CNBD1: variants seen among roughly 807,000 people sequenced by gnomAD.
CNBD1 encodes the protein cyclic nucleotide binding domain containing 1.
Under a neutral mutation model 54.4 loss-of-function variants are expected in CNBD1, and 71 were observed. The ratio of observed to expected loss-of-function variants is 1.30; its 90% confidence interval spans 1.08 to 1.59. The LOEUF (loss-of-function observed/expected upper bound fraction) is 1.59. Among genes scored for constraint, CNBD1 ranks in the 40% most tolerant of loss-of-function variants. The pLI is 0.00. For synonymous variants in CNBD1, 182 were observed against 170.7 expected (o/e 1.07, Z -0.51); for missense variants, 659 against 518.0 (o/e 1.27, Z -2.64).
intron 2 of CNBD1, among the ~76,000 whole-genome samples, chr8:87,415,978 TTAAC>T (rs1001791083): frequency 6.6e-6 from 1 of 151,572 alleles, no homozygotes; most frequent in African/African-American, 2.4e-5. Context: ...CATATGGACA[TTAAC>T]AAAAAAAATT....
intron 2 of CNBD1, among the ~76,000 whole-genome samples, chr8:87,423,780 G>T (rs571052025): frequency 3.9e-5 from 6 of 152,076 alleles, no homozygotes; most frequent in Admixed American, 2.0e-4. Context: ...TCAGAATGAT[G>T]CTGGCCTCAT....
chr8:87,361,904 G>A (rs2130937357), intron 10 of CNBD1, among the ~76,000 whole-genome samples: 1 of 151,966 alleles, frequency 6.6e-6, no homozygotes, highest in South Asian at 2.1e-4. Context: ...AAATGAATCA[G>A]TTTTATATTT....
chr8:87,190,837 G>T (rs375323285), intron 4 of CNBD1, among the ~76,000 whole-genome samples: 1 of 95,012 alleles, frequency 1.1e-5, no homozygotes, highest in Admixed American at 1.2e-4. Context: ...AGGTACATAT[G>T]TAGATATAGA....
Position 87,166,655 on chromosome 8 carries a change from C to G in CNBD1, c.432-39338C>G, listed in dbSNP as rs1199518199. Among the ~76,000 whole-genome samples the G allele has an allele frequency of 6.6e-6, 1 of 151,862 alleles. No individual in the cohort carries two copies. Among genetic ancestry groups the G allele is most frequent in the African/African-American group, 2.4e-5 (1 of 41,398 alleles). ...GGCTCTTTCACTTTCTTGTCAGTTC[C>G]TCTTTGTTCCTCAGGTTTTCTGATA... On this transcript the variant is annotated intron_variant, in intron 4 of 10. Transcript: ENST00000518476. The surrounding 1 kb of genome is among the most constrained non-coding windows in gnomAD (Gnocchi z 4.3).
chr8:87,350,752 T>C (rs1337625299), intron 8 of CNBD1, among the ~76,000 whole-genome samples: 15 of 152,092 alleles, frequency 9.9e-5, no homozygotes. Flanking sequence ...GTTTTCAGAA[T>C]TAAATATTGA....
At position 87,021,581 on chromosome 8, in the gene CNBD1, A is replaced by T. The variant is rs183580981; in HGVS notation, c.431+81827A>T. On this transcript the variant is annotated intron_variant, in intron 4 of 10. Coordinates refer to ENST00000518476, the MANE Select transcript of CNBD1 (RefSeq NM_173538.3). ...TTATACCAGTAGTTCTCAGCTATGG[A>T]CTAAGTGCCTCCAAGGCACATTTCA... Among the ~76,000 whole-genome samples the T allele has an allele frequency of 4.3e-3, 652 of 152,352 alleles. 5 individuals carry two copies. The highest frequency in any genetic ancestry group is 0.015 in the African/African-American group (624 of 41,572).
intron 10 of CNBD1, among the ~76,000 whole-genome samples, chr8:87,370,522 T>C (rs371924554): frequency 7.2e-5 from 11 of 152,184 alleles, no homozygotes; most frequent in South Asian, 2.1e-4. Context: ...GCATAAATGT[T>C]TTCTTTTGAG....
intron 8 of CNBD1, among the ~76,000 whole-genome samples, chr8:87,292,547 G>A (rs1808807905): frequency 6.6e-6 from 1 of 152,040 alleles, no homozygotes; most frequent in South Asian, 2.1e-4. Flanking sequence ...TATTAAGTTT[G>A]TCATCATATG....
chr8:86,873,914 T>TA (rs556747209), intron 1 of CNBD1, among the ~76,000 whole-genome samples: 2 of 152,194 alleles, frequency 1.3e-5, no homozygotes, highest in African/African-American at 2.4e-5. Context: ...TGTGTATTTT[T>TA]AAAAAAACAT....
chr8:86,916,443 C>G (rs1347398591), intron 3 of CNBD1, among the ~76,000 whole-genome samples: 2 of 152,136 alleles, frequency 1.3e-5, no homozygotes, highest in African/African-American at 4.8e-5. Flanking sequence ...CCTGCTAGCA[C>G]TTGGGAGGTG....
rs1266073864 is a variant in CNBD1 at position 87,166,186 on chromosome 8, T to G, written c.432-39807T>G. Among the ~76,000 whole-genome samples the G allele has an allele frequency of 6.6e-6, 1 of 151,954 alleles. No homozygotes were observed. Among genetic ancestry groups the G allele is most frequent in the East Asian group, 1.9e-4 (1 of 5,176 alleles). On this transcript the variant is annotated intron_variant, in intron 4 of 10. Transcript: ENST00000518476. The surrounding 1 kb of genome is among the most constrained non-coding windows in gnomAD (Gnocchi z 4.3). The stretch of plus-strand genomic sequence containing the variant: ...TCTCAATAAATGAGACTAGGAATTA[T>G]CCAGATGAGTAAGTGACAAACCTAA...
rs190322764 is a variant in CNBD1 at position 87,426,283 on chromosome 8, G to A, written c.214-2263G>A. On this transcript the variant is annotated intron_variant, in intron 2 of 7. Transcript: ENST00000521593. ...AATGCAGAAATCACCCGTCTTCTGCGTCGCTCAGGCTGGGAGCTGTAGACC... is the reference window on the plus strand; with the variant it reads ...AATGCAGAAATCACCCGTCTTCTGCATCGCTCAGGCTGGGAGCTGTAGACC... Among the ~76,000 whole-genome samples, 541 of 152,302 alleles carry A rather than the reference G, an allele frequency of 3.6e-3. 2 individuals are homozygous for A. Among genetic ancestry groups the A allele is most frequent in the African/African-American group, 0.01 (430 of 41,560 alleles).
At chr8:87,038,433 G>A (rs1185059541) in intron 4 of CNBD1, among the ~76,000 whole-genome samples, 1 of 152,148 alleles carries the variant, frequency 6.6e-6, no homozygotes, top group African/African-American at 2.4e-5. Context: ...AAGGGATGAT[G>A]ATGTGGAAAA....
At chr8:87,414,997 C>A (rs1329718375) in intron 2 of CNBD1, among the ~76,000 whole-genome samples, 1 of 152,014 alleles carries the variant, frequency 6.6e-6, no homozygotes, top group African/African-American at 2.4e-5. Flanking sequence ...TATGTTTCTT[C>A]TGGCAGCAAG....
chr8:86,903,239 C>T (rs1477645612), intron 2 of CNBD1, among the ~76,000 whole-genome samples: 5 of 152,004 alleles, frequency 3.3e-5, no homozygotes, highest in Non-Finnish European at 7.4e-5. Context: ...AAGGAGGCAG[C>T]TAACTAAGGT....
At chr8:87,395,599 T>C (rs1157873555) in intron 2 of CNBD1, among the ~76,000 whole-genome samples, 1 of 151,894 alleles carries the variant, frequency 6.6e-6, no homozygotes, top group Non-Finnish European at 1.5e-5. Context: ...TCTGAGAATA[T>C]TATGAAGGCT....
intron 5 of CNBD1, among the ~76,000 whole-genome samples, chr8:87,232,915 G>A (rs1251846694): frequency 6.6e-6 from 1 of 151,932 alleles, no homozygotes; most frequent in East Asian, 1.9e-4. Context: ...TGTAATATGA[G>A]GTTTTTAACA....
intron 3 of CNBD1, among the ~76,000 whole-genome samples, chr8:86,911,252 C>G (rs958188862): frequency 6.6e-6 from 1 of 152,142 alleles, no homozygotes; most frequent in Non-Finnish European, 1.5e-5. Flanking sequence ...TCAGGCTGCT[C>G]TTTGTTAGAA....
chr8:87,424,241 A>G (rs558535122), intron 2 of CNBD1, among the ~76,000 whole-genome samples: 3 of 151,850 alleles, frequency 2.0e-5, no homozygotes, highest in South Asian at 2.1e-4. Flanking sequence ...TGGATTCATT[A>G]ATTTTTTGAA....
Sources: allele counts gnomAD v4.1 joint callset (sites outside exome capture counted in the v4.1 genomes callset), GRCh38; gene constraint gnomAD v4.1.1; non-coding constraint Gnocchi (gnomAD v3.1); transcripts MANE v1.5; gene names NCBI Gene and HGNC (gene_info 2026-07-23, HGNC 2026-07-21).